The following GLRB variants were observed in gnomAD, a reference collection of about 807,000 sequenced individuals.
The protein encoded by GLRB is glycine receptor beta, also known as glycine receptor subunit beta.
Under a neutral mutation model 54.2 loss-of-function variants are expected in GLRB, and 33 were observed. The ratio of observed to expected loss-of-function variants is 0.61; its 90% confidence interval spans 0.46 to 0.81. GLRB has a LOEUF of 0.81. Among genes scored for constraint, GLRB ranks in the 40% least tolerant of loss-of-function variants. The probability of loss-of-function intolerance (pLI) is 0.00; values close to 1 mark genes in which losing one functional copy is unlikely to be tolerated. For missense variants in GLRB, 572 were observed against 584.6 expected (o/e 0.98, Z 0.22); for synonymous variants, 209 against 208.2 (o/e 1.00, Z -0.03).
At chr4:157,161,748 C>G (rs1737503136) in intron 9 of GLRB, among the ~76,000 whole-genome samples, 1 of 152,200 alleles carries the variant, frequency 6.6e-6, no homozygotes, top group Admixed American at 6.5e-5. Context: ...ACCTTTCTCT[C>G]TGGCTGCCCT....
At chr4:157,150,258 A>C (rs938907919) in intron 8 of GLRB, among the ~76,000 whole-genome samples, 1 of 152,076 alleles carries the variant, frequency 6.6e-6, no homozygotes, top group Non-Finnish European at 1.5e-5. Context: ...AGAAAATGCT[A>C]ATAGGTGTTT....
chr4:157,105,046 G>C (rs1735170703), intron 2 of GLRB, among the ~76,000 whole-genome samples: 1 of 149,596 alleles, frequency 6.7e-6, no homozygotes, highest in Non-Finnish European at 1.5e-5. Context: ...TTCTTTTCCT[G>C]TTCTAGTCTT....
intron 2 of GLRB, among the ~76,000 whole-genome samples, chr4:157,083,014 T>C (rs2126425071): frequency 6.7e-6 from 1 of 149,138 alleles, no homozygotes; most frequent in East Asian, 2.0e-4. Flanking sequence ...AATTTAGTAT[T>C]TTAAGAAAGA....
intron 2 of GLRB, among the ~76,000 whole-genome samples, chr4:157,097,436 T>G (rs1734853208): frequency 6.6e-6 from 1 of 152,186 alleles, no homozygotes; most frequent in African/African-American, 2.4e-5. Flanking sequence ...CTCCCCAGCC[T>G]AAGAATTGAA....
rs565111812 is a variant in GLRB, at chr4:157,151,035, A to G, written c.905-1683A>G. On this transcript the variant is annotated intron_variant, in intron 8 of 9. Coordinates refer to ENST00000264428, the MANE Select transcript of GLRB (RefSeq NM_000824.5). ...ATAAAAAGCCACTACAGAACTCTGA[A>G]GGCCTTCTATAATCTGAAATTATTC... Among the ~76,000 whole-genome samples, 3 of 152,234 alleles carry G rather than the reference A, an allele frequency of 2.0e-5. No individual in the cohort carries two copies. The South Asian group carries it at 6.2e-4, about 32-fold the overall frequency.
At chr4:157,163,829 AGTGTGTGTGTGT>A (rs3054934) in intron 9 of GLRB, among the ~76,000 whole-genome samples, 1 of 146,276 alleles carries the variant, frequency 6.8e-6, no homozygotes, top group Non-Finnish European at 1.5e-5. Flanking sequence ...TGTCTGTGTG[AGTGTGTGTGTGT>A]GTGTGTGTGT....
chr4:157,152,140 C>T (rs1737043117), intron 8 of GLRB, among the ~76,000 whole-genome samples: 1 of 152,202 alleles, frequency 6.6e-6, no homozygotes, highest in East Asian at 1.9e-4. Flanking sequence ...GAAGGGTTAC[C>T]ATTACATGGA....
At chr4:157,093,898 T>G (rs1488762306) in intron 2 of GLRB, among the ~76,000 whole-genome samples, 1 of 152,166 alleles carries the variant, frequency 6.6e-6, no homozygotes, top group Non-Finnish European at 1.5e-5. Flanking sequence ...GGCATTTACT[T>G]TCTCATATAG....
At chr4:157,111,623 T>A (rs1735421895) in intron 2 of GLRB, among the ~76,000 whole-genome samples, 1 of 152,028 alleles carries the variant, frequency 6.6e-6, no homozygotes, top group Non-Finnish European at 1.5e-5. Flanking sequence ...AGTTTTAGAA[T>A]TTCTCACAAA....
intron 2 of GLRB, among the ~76,000 whole-genome samples, chr4:157,116,646 A>G (rs527951188): frequency 1.0e-3 from 156 of 151,912 alleles, no homozygotes; most frequent in African/African-American, 3.6e-3. Flanking sequence ...AAGTGACTGT[A>G]TCCATTTAAT....
At chr4:157,148,141 T>C (rs1736885860) in intron 8 of GLRB, among the ~76,000 whole-genome samples, 1 of 152,140 alleles carries the variant, frequency 6.6e-6, no homozygotes, top group Non-Finnish European at 1.5e-5. Flanking sequence ...TTCTAGATGT[T>C]AGATGAGTTG....
chr4:157,144,924 C>T (rs1350040940), intron 8 of GLRB, among the ~76,000 whole-genome samples: 2 of 152,056 alleles, frequency 1.3e-5, no homozygotes, highest in Admixed American at 1.3e-4. Flanking sequence ...ATTGAAATCA[C>T]ACAGACCAAA....
At chr4:157,162,521 G>T (rs1489750792) in intron 9 of GLRB, among the ~76,000 whole-genome samples, 1 of 152,174 alleles carries the variant, frequency 6.6e-6, no homozygotes, top group Non-Finnish European at 1.5e-5. Context: ...CGGTTTTGGT[G>T]TGTATGTCCT....
At chr4:157,128,818 C>G (rs2126548658) in intron 4 of GLRB, among the ~76,000 whole-genome samples, 1 of 151,806 alleles carries the variant, frequency 6.6e-6, no homozygotes. Flanking sequence ...GGAATTTTAA[C>G]CTGACTTGAG....
chr4:157,145,763 C>T (rs574134449), intron 8 of GLRB, among the ~76,000 whole-genome samples: 4 of 152,000 alleles, frequency 2.6e-5, no homozygotes, highest in South Asian at 4.2e-4. Flanking sequence ...GTTAGAAAGG[C>T]CACAGTGAGA....
intron 9 of GLRB, among the ~76,000 whole-genome samples, chr4:157,153,351 T>C (rs17035810): frequency 0.096 from 14,587 of 152,154 alleles, 772 homozygotes; most frequent in Middle Eastern, 0.13. Flanking sequence ...TTGTTTCTCA[T>C]TCAATGTATC....
intron 9 of GLRB, among the ~76,000 whole-genome samples, chr4:157,155,673 A>G (rs1285558347): frequency 6.6e-6 from 1 of 152,158 alleles, no homozygotes; most frequent in African/African-American, 2.4e-5. Flanking sequence ...TTTCCTCTGT[A>G]GGTAAAGTGT....
At chr4:157,163,972 A>C (rs955024165) in intron 9 of GLRB, among the ~76,000 whole-genome samples, 1 of 152,084 alleles carries the variant, frequency 6.6e-6, no homozygotes, top group South Asian at 2.1e-4. Context: ...CAGCATCCTC[A>C]TCATACCTGC....
At chr4:157,146,807 T>C (rs1021908494) in intron 8 of GLRB, among the ~76,000 whole-genome samples, 58 of 150,548 alleles carry the variant, frequency 3.9e-4, no homozygotes, top group African/African-American at 1.3e-3. Context: ...GGCAACAGAG[T>C]GAGACTCCAT....
Sources: allele counts gnomAD v4.1 joint callset (sites outside exome capture counted in the v4.1 genomes callset), GRCh38; gene constraint gnomAD v4.1.1; transcripts MANE v1.5; gene names NCBI Gene and HGNC (gene_info 2026-07-23, HGNC 2026-07-21).